FAF1: variants seen among roughly 807,000 people sequenced by gnomAD.
FAF1 encodes the protein FAS-associated factor 1.
In FAF1, 25 loss-of-function variants were observed where a neutral mutation model predicts 92.5. The observed-to-expected ratio is 0.27, with a 90% confidence interval of 0.20 to 0.38. The LOEUF (loss-of-function observed/expected upper bound fraction) is 0.38, where lower values mean the gene tolerates loss of function less well. Ranked by LOEUF, FAF1 falls within the 10% of genes least tolerant of loss-of-function variation. The pLI is 1.00. For synonymous variants in FAF1, 234 were observed against 273.2 expected, an observed-to-expected ratio of 0.86 and a Z score of 1.42; for missense variants, 636 against 793.3, an observed-to-expected ratio of 0.80 and a Z score of 2.38.
intron 12 of FAF1, among the ~76,000 whole-genome samples, chr1:50,575,819 T>C (rs1382657432): frequency 6.6e-6 from 1 of 152,236 alleles, no homozygotes; most frequent in Non-Finnish European, 1.5e-5. Context: ...TGTGGTGAGC[T>C]AGAAACTTAC....
intron 15 of FAF1, among the ~76,000 whole-genome samples, chr1:50,494,565 A>T (rs528165684): frequency 6.6e-6 from 1 of 152,346 alleles, no homozygotes; most frequent in Non-Finnish European, 1.5e-5. Flanking sequence ...TTGCCACACC[A>T]AAGTGAGAAG....
chr1:50,561,787 C>T (rs556242629), intron 13 of FAF1, among the ~76,000 whole-genome samples: 49 of 151,938 alleles, frequency 3.2e-4, no homozygotes, highest in Admixed American at 2.0e-3. Context: ...ATTGCGCCAC[C>T]GCACTCCAGC....
At chr1:50,523,669 A>G (rs1647629029) in intron 15 of FAF1, among the ~76,000 whole-genome samples, 1 of 151,500 alleles carries the variant, frequency 6.6e-6, no homozygotes, top group Non-Finnish European at 1.5e-5. Context: ...TGGATATTAA[A>G]CCCTTATCAG....
chr1:50,625,303 C>T (rs757837615), intron 8 of FAF1, among the ~76,000 whole-genome samples: 7 of 152,174 alleles, frequency 4.6e-5, no homozygotes, highest in Non-Finnish European at 8.8e-5. Flanking sequence ...TTCCTCATTT[C>T]TTCTGGGCAT....
intron 2 of FAF1, among the ~76,000 whole-genome samples, chr1:50,836,583 T>C (rs2124639448): frequency 6.6e-6 from 1 of 152,262 alleles, no homozygotes; most frequent in African/African-American, 2.4e-5. Context: ...AAAAGTACAA[T>C]GAACATCAAT....
intron 6 of FAF1, among the ~76,000 whole-genome samples, chr1:50,724,300 C>CAT (rs1557494716): frequency 8.4e-5 from 11 of 131,594 alleles, no homozygotes; most frequent in South Asian, 2.4e-4. Flanking sequence ...CACACATACA[C>CAT]ACACACACAC....
intron 2 of FAF1, 92 bp downstream of exon 2, chr1:50,857,837 T>C (rs994353758): frequency 3.0e-6 from 2 of 674,426 alleles, no homozygotes; most frequent in Non-Finnish European, 5.0e-6. Context: ...AGATGAGCTA[T>C]GGTATGCTGA....
At chr1:50,611,258 G>A (rs1222777964) in intron 8 of FAF1, among the ~76,000 whole-genome samples, 3 of 152,260 alleles carry the variant, frequency 2.0e-5, no homozygotes, top group African/African-American at 7.2e-5. Flanking sequence ...CTTTGTATTA[G>A]GGAGAAAGAA....
intron 8 of FAF1, among the ~76,000 whole-genome samples, chr1:50,603,728 A>G (rs1448958767): frequency 6.6e-6 from 1 of 152,162 alleles, no homozygotes; most frequent in African/African-American, 2.4e-5. Context: ...GCTAGTTACC[A>G]AGTGTACATG....
chr1:50,618,612 C>A (rs1187640902), intron 8 of FAF1, among the ~76,000 whole-genome samples: 1 of 151,724 alleles, frequency 6.6e-6, no homozygotes, highest in Non-Finnish European at 1.5e-5. Context: ...TCTGGGTGCT[C>A]CAATGCTGGG....
intron 15 of FAF1, among the ~76,000 whole-genome samples, chr1:50,520,394 A>AT (rs1260306753): frequency 6.6e-6 from 1 of 152,148 alleles, no homozygotes; most frequent in Non-Finnish European, 1.5e-5. Context: ...CCTTCTCTGT[A>AT]TTTTTTCTAC....
At chr1:50,514,396 C>G (rs1647180558) in intron 15 of FAF1, among the ~76,000 whole-genome samples, 1 of 152,270 alleles carries the variant, frequency 6.6e-6, no homozygotes, top group East Asian at 1.9e-4. Context: ...TCATTATCTG[C>G]TGGTGCTCAA....
intron 12 of FAF1, among the ~76,000 whole-genome samples, chr1:50,569,062 G>A (rs1404058202): frequency 6.6e-6 from 1 of 152,176 alleles, no homozygotes; most frequent in Non-Finnish European, 1.5e-5. Flanking sequence ...CTTCATCTAT[G>A]TTGATGTCTG....
intron 8 of FAF1, among the ~76,000 whole-genome samples, chr1:50,636,960 G>A (rs1368112366): frequency 6.6e-6 from 1 of 151,970 alleles, no homozygotes; most frequent in African/African-American, 2.4e-5. Context: ...TGTCTCCACC[G>A]CATTACTTTG....
chr1:50,656,344 C>CA (rs77836738), intron 7 of FAF1, among the ~76,000 whole-genome samples: 1,748 of 77,500 alleles, frequency 0.023, 30 homozygotes, highest in African/African-American at 0.064. Context: ...TACCACCGAC[C>CA]AAAAAAAAAA....
intron 15 of FAF1, among the ~76,000 whole-genome samples, chr1:50,523,852 T>C (rs997206934): frequency 6.6e-6 from 1 of 152,202 alleles, no homozygotes; most frequent in African/African-American, 2.4e-5. Flanking sequence ...GCAATGAACA[T>C]AGACATGCAA....
At chr1:50,655,677 T>G (rs958950155) in intron 7 of FAF1, 149 bp from the exon 8 acceptor site, 1 of 542,190 alleles carries the variant, frequency 1.8e-6, no homozygotes, top group Non-Finnish European at 3.1e-6. Flanking sequence ...GTCAAAAAAT[T>G]TTGTAAAAAA....
At chr1:50,580,798 A>C (rs762450093) in intron 12 of FAF1, among the ~76,000 whole-genome samples, 1 of 152,170 alleles carries the variant, frequency 6.6e-6, no homozygotes, top group African/African-American at 2.4e-5. Context: ...TCCAAGAAAG[A>C]ATATCACCTA....
At chr1:50,581,807 A>G (rs188163991) in intron 12 of FAF1, among the ~76,000 whole-genome samples, 4 of 152,280 alleles carry the variant, frequency 2.6e-5, no homozygotes, top group Admixed American at 2.6e-4. Flanking sequence ...TTATGGGGCA[A>G]TACAAATGGT....
Sources: gnomAD v4.1 joint callset for allele counts (sites outside exome capture counted in the v4.1 genomes callset) on GRCh38, gnomAD v4.1.1 for gene constraint, MANE v1.5 for transcripts, NCBI Gene and HGNC (gene_info 2026-07-23, HGNC 2026-07-21) for gene names.